Variants in TMTC2 observed in about 807,000 individuals in gnomAD.
The protein encoded by TMTC2 is protein O-mannosyl-transferase TMTC2.
In TMTC2, 43 loss-of-function variants were observed where a neutral mutation model predicts 82.4. The ratio of observed to expected loss-of-function variants is 0.52; its 90% CI spans 0.41 to 0.67. TMTC2 has a LOEUF of 0.67. Among genes scored for constraint, TMTC2 ranks in the 30% least tolerant of loss-of-function variants. The probability of loss-of-function intolerance (pLI) is 0.00; values close to 1 mark genes in which losing one functional copy is unlikely to be tolerated. For missense variants in TMTC2, 919 were observed against 1,012.4 expected, an observed-to-expected ratio of 0.91 and a Z score of 1.25; for synonymous variants, 408 against 381.9, an observed-to-expected ratio of 1.07 and a Z score of -0.80.
chr12:82,865,602 C>T (rs998559962), intron 2 of TMTC2, among the ~76,000 whole-genome samples: 84 of 152,220 alleles, frequency 5.5e-4, no homozygotes, highest in African/African-American at 2.0e-3. Flanking sequence ...GACAGATCAA[C>T]GAGACAGGAA....
chr12:82,870,580 A>C (rs1271681708), intron 2 of TMTC2, among the ~76,000 whole-genome samples: 4 of 152,188 alleles, frequency 2.6e-5, no homozygotes, highest in African/African-American at 9.7e-5. Context: ...CTCAGGAGCA[A>C]AATTTTAGTC....
At chr12:83,040,606 C>T (rs368579781) in intron 9 of TMTC2, among the ~76,000 whole-genome samples, 1 of 52,114 alleles carries the variant, frequency 1.9e-5, no homozygotes, top group African/African-American at 8.4e-5. Context: ...AGTGGCCTTG[C>T]TGCAGGGTTC....
intron 4 of TMTC2, among the ~76,000 whole-genome samples, chr12:82,930,851 T>C (rs879572142): frequency 6.6e-6 from 1 of 152,194 alleles, no homozygotes; most frequent in Non-Finnish European, 1.5e-5. Flanking sequence ...AATACTTAGA[T>C]GAGTTCATAA....
chr12:82,687,719 A>C, intron 1 of TMTC2, 50 bp downstream of exon 1: 2 of 1,544,754 alleles, frequency 1.3e-6, no homozygotes, highest in South Asian at 1.2e-5. Context: ...CACACTCCGC[A>C]GTGGCTCTGA....
At chr12:82,724,846 A>G (rs990917986) in intron 1 of TMTC2, among the ~76,000 whole-genome samples, 10 of 152,180 alleles carry the variant, frequency 6.6e-5, no homozygotes, top group Non-Finnish European at 1.3e-4. Flanking sequence ...CATAGAAAAT[A>G]CTGTGTGACT....
At position 82,981,620 on chromosome 12, in the gene TMTC2, C is replaced by A. The variant is rs57096958; in HGVS notation, c.1949-4305C>A. Among the ~76,000 whole-genome samples the A allele has an allele frequency of 7.9e-3, 1,206 of 151,964 alleles. 13 individuals are homozygous for A. The highest frequency in any genetic ancestry group is 0.028 in the African/African-American group (1,150 of 41,532). ...CAGAATGAGAAAGGAAAATAGTCAT[C>A]GTTGTTTCTTTCCTCCTGGGCACCA... On this transcript the variant is annotated intron_variant, in intron 7 of 11. Transcript: ENST00000321196.
At chr12:83,030,676 A>ATTT in intron 8 of TMTC2, 122 bp from the exon 9 acceptor site, 3 of 592,558 alleles carry the variant, frequency 5.1e-6, no homozygotes, top group South Asian at 2.7e-5. Context: ...AAAAACAAAA[A>ATTT]TTTTTTTTTT....
At position 82,834,277 on chromosome 12, in the gene TMTC2, A is replaced by G. The variant is rs1869907843; in HGVS notation, c.84-22733A>G. On this transcript the variant is annotated intron_variant, in intron 1 of 11. Transcript: ENST00000321196. ...AGTATTTGGGAAACACTGGATTGTG[A>G]TTATCCGTCTTAGAGGTGCTGTCCT... is the stretch of plus-strand genomic sequence containing the variant. Among the ~76,000 whole-genome samples, 5 of 152,306 alleles carry G rather than the reference A, an allele frequency of 3.3e-5. No individual in the cohort carries two copies. In the South Asian group the frequency reaches 1.0e-3, roughly 32 times the overall value.
At chr12:82,795,976 A>T (rs1467635335) in intron 1 of TMTC2, among the ~76,000 whole-genome samples, 8 of 152,182 alleles carry the variant, frequency 5.3e-5, no homozygotes, top group Admixed American at 5.2e-4. Flanking sequence ...ATTGAGGTTT[A>T]TGAGTTATCA....
chr12:82,856,963 T>C, intron 1 of TMTC2, 47 bp from the exon 2 acceptor site: 1 of 1,532,312 alleles, frequency 6.5e-7, no homozygotes, highest in Non-Finnish European at 8.8e-7. Context: ...ATTTTTTCTT[T>C]CTTTCTGTGT....
chr12:82,977,983 A>AT (rs1206069818), intron 7 of TMTC2, among the ~76,000 whole-genome samples: 4 of 151,768 alleles, frequency 2.6e-5, no homozygotes, highest in Admixed American at 2.0e-4. Flanking sequence ...TATATAATTG[A>AT]TTTTTTTCAA....
Position 83,101,757 on chromosome 12 carries a change from G to T in TMTC2, c.2332-30453G>T, listed in dbSNP as rs138360230. 5.4e-3 allele frequency among the ~76,000 whole-genome samples: 822 copies of T among 152,278 alleles called. 10 individuals carry two copies. Among genetic ancestry groups the T allele is most frequent in the African/African-American group, 0.019 (792 of 41,556 alleles). The stretch of plus-strand genomic sequence containing the variant: ...GATCTCTGGATCAATATGGGGATCA[G>T]TTAAGATCGTATAAGTATATATGCT... On this transcript the variant is annotated intron_variant, in intron 11 of 11. Coordinates refer to ENST00000321196, the MANE Select transcript of TMTC2 (RefSeq NM_152588.3).
intron 11 of TMTC2, among the ~76,000 whole-genome samples, chr12:83,124,809 A>T (rs1885056642): frequency 6.6e-6 from 1 of 152,160 alleles, no homozygotes; most frequent in Admixed American, 6.5e-5. Context: ...CCTCTGAAAC[A>T]TGATTTGCGT....
chr12:82,896,764 G>A (rs1380034116), intron 3 of TMTC2, 118 bp downstream of exon 3: 2 of 702,100 alleles, frequency 2.8e-6, no homozygotes, highest in Non-Finnish European at 4.5e-6. Flanking sequence ...TGCAGTACCT[G>A]TATCTTTCAT....
At chr12:82,759,992 A>G (rs980264902) in intron 1 of TMTC2, 3 of 152,134 alleles carry the variant, frequency 2.0e-5, no homozygotes, top group Admixed American at 6.6e-5. Flanking sequence ...GTGTATCTCA[A>G]ATTGTTAACT....
intron 1 of TMTC2, among the ~76,000 whole-genome samples, chr12:82,703,124 A>G (rs956915305): frequency 6.6e-6 from 1 of 152,254 alleles, no homozygotes; most frequent in South Asian, 2.1e-4. Context: ...TGATCCCAGG[A>G]GTTTGAGGTT....
chr12:83,014,763 G>A (rs115965508), intron 8 of TMTC2, among the ~76,000 whole-genome samples: 1,787 of 151,808 alleles, frequency 0.012, 41 homozygotes, highest in African/African-American at 0.041. Flanking sequence ...ATGTATTATT[G>A]TACTGCACTT....
chr12:83,007,145 G>A (rs1051151691), intron 8 of TMTC2, among the ~76,000 whole-genome samples: 11 of 151,586 alleles, frequency 7.3e-5, no homozygotes, highest in Non-Finnish European at 1.6e-4. Context: ...CGAACTCTCA[G>A]TGTTGTTGTT....
intron 6 of TMTC2, among the ~76,000 whole-genome samples, chr12:82,966,478 CATTTAGTA>C (rs930944044): frequency 6.6e-6 from 1 of 152,028 alleles, no homozygotes; most frequent in African/African-American, 2.4e-5. Context: ...AAAATAATTG[CATTTAGTA>C]ATTTCTGTGG....
Sources: allele counts gnomAD v4.1 joint callset (sites outside exome capture counted in the v4.1 genomes callset), GRCh38; gene constraint gnomAD v4.1.1; transcripts MANE v1.5; gene names NCBI Gene and HGNC (gene_info 2026-07-23, HGNC 2026-07-21).